The following PATJ variants were observed in gnomAD, a reference collection of about 807,000 sequenced individuals.
PATJ encodes the protein PATJ crumbs cell polarity complex component, also known as inaD-like protein.
Under a neutral mutation model 224.9 loss-of-function variants are expected in PATJ, and 190 were observed. The observed-to-expected ratio is 0.84, with a 90% CI of 0.75 to 0.95. The LOEUF is 0.95. Ranked by LOEUF, PATJ falls within the 40% of genes least tolerant of loss-of-function variation. The pLI, the probability that PATJ is intolerant of heterozygous loss-of-function variation, is 0.00. For synonymous variants in PATJ, 769 were observed against 820.3 expected, an observed-to-expected ratio of 0.94 and a Z score of 1.07; for missense variants, 2,121 against 2,270.3, an observed-to-expected ratio of 0.93 and a Z score of 1.34.
At chr1:61,828,093 A>C (rs928071604) in intron 16 of PATJ, among the ~76,000 whole-genome samples, 2 of 152,106 alleles carry the variant, frequency 1.3e-5, no homozygotes, top group African/African-American at 4.8e-5. Flanking sequence ...AGTAGAAAAA[A>C]TTAGCCAGGC....
chr1:62,073,309 C>A (rs945099647), intron 31 of PATJ: 3 of 985,282 alleles, frequency 3.0e-6, no homozygotes, highest in Non-Finnish European at 1.2e-6. Flanking sequence ...TCTGTCCCAA[C>A]CCCCTAAACA....
intron 26 of PATJ, among the ~76,000 whole-genome samples, chr1:61,918,764 G>A (rs1438861437): frequency 6.6e-6 from 1 of 152,060 alleles, no homozygotes; most frequent in Non-Finnish European, 1.5e-5. Flanking sequence ...GAAGTTCCAA[G>A]ACCAGCCTGG....
chr1:62,128,197 C>A, intron 40 of PATJ, 103 bp downstream of exon 40: 1 of 1,372,348 alleles, frequency 7.3e-7, no homozygotes, highest in Non-Finnish European at 1.0e-6. Context: ...CAGTAGCCAT[C>A]AGAGACCCAG....
At chr1:62,088,458 C>G (rs1189421517) in intron 33 of PATJ, among the ~76,000 whole-genome samples, 1 of 152,166 alleles carries the variant, frequency 6.6e-6, no homozygotes, top group Non-Finnish European at 1.5e-5. Context: ...CCAAAGAAGT[C>G]TTCCCTGGGT....
chr1:61,842,344 G>A lies in PATJ; in HGVS notation c.2112+8559G>A, dbSNP rs10489969. 5.9e-4 allele frequency among the ~76,000 whole-genome samples: 90 copies of A among 152,278 alleles called. 1 individual carries two copies. Among genetic ancestry groups the A allele is most frequent in the Admixed American group, 5.7e-3 (87 of 15,292 alleles). On this transcript the variant is annotated intron_variant, in intron 17 of 43. Coordinates refer to ENST00000642238, the MANE Select transcript of PATJ (RefSeq NM_001350145.3). ...TGTTGAACTTTGCAGGGATTTCATC[G>A]CTCTGGAATACGAATGTGGCAAAAA...
At chr1:62,144,022 T>C (rs1667767100) in intron 41 of PATJ, among the ~76,000 whole-genome samples, 1 of 152,158 alleles carries the variant, frequency 6.6e-6, no homozygotes, top group South Asian at 2.1e-4. Context: ...AAAGAGTTCA[T>C]GGACAAGTTA....
chr1:62,139,283 C>A (rs1367505120), intron 41 of PATJ, among the ~76,000 whole-genome samples: 1 of 151,504 alleles, frequency 6.6e-6, no homozygotes, highest in Non-Finnish European at 1.5e-5. Context: ...CGCCTGTAGT[C>A]CCAGCTACTT....
At chr1:61,891,385 C>A (rs1669588156) in intron 22 of PATJ, among the ~76,000 whole-genome samples, 1 of 152,144 alleles carries the variant, frequency 6.6e-6, no homozygotes. Flanking sequence ...CCAAAACTTA[C>A]ATGTAAATTC....
At chr1:62,047,500 T>C (rs1476622873) in intron 30 of PATJ, among the ~76,000 whole-genome samples, 1 of 152,180 alleles carries the variant, frequency 6.6e-6, no homozygotes, top group African/African-American at 2.4e-5. Context: ...TCCACCCGTC[T>C]CAGCCTCCCA....
At chr1:61,774,263 TG>T (rs1646795327) in intron 6 of PATJ, among the ~76,000 whole-genome samples, 1 of 152,032 alleles carries the variant, frequency 6.6e-6, no homozygotes, top group South Asian at 2.1e-4. Context: ...CACTCTAACC[TG>T]GGTAACAGAG....
intron 33 of PATJ, among the ~76,000 whole-genome samples, chr1:62,102,859 C>CAAAAAAAA: frequency 2.1e-5 from 1 of 47,006 alleles, no homozygotes; most frequent in Non-Finnish European, 4.3e-5. Context: ...TACCCTGTCT[C>CAAAAAAAA]AAAAAAAAAA....
chr1:61,835,927 G>C (rs1003582165), intron 17 of PATJ, among the ~76,000 whole-genome samples: 1 of 152,074 alleles, frequency 6.6e-6, no homozygotes, highest in African/African-American at 2.4e-5. Context: ...TATTATTGTA[G>C]GAATCTATAT....
chr1:62,008,454 T>C (rs1646227762), intron 28 of PATJ, among the ~76,000 whole-genome samples: 1 of 152,218 alleles, frequency 6.6e-6, no homozygotes, highest in Admixed American at 6.5e-5. Flanking sequence ...ATATAATTTA[T>C]CATCCAAACT....
In PATJ at chr1:62,128,840, G is replaced by A. The variant is rs746037521; in HGVS notation, c.5167-1G>A. 8.1e-6 allele frequency: 13 copies of A among 1,599,696 alleles called. No homozygotes were observed. Among genetic ancestry groups the A allele is most frequent in the Non-Finnish European group, 1.1e-5 (13 of 1,167,234 alleles). ...ATTTTCTGTCATTTTTGTACTTCCA[G>A]GTTGGAGATCGGATTGTCAGCATTA... On this transcript the variant is annotated splice_acceptor_variant, in intron 40 of 43. Coordinates refer to ENST00000642238, the MANE Select transcript of PATJ (RefSeq NM_001350145.3). LOFTEE classifies it high-confidence loss of function.
At chr1:61,933,433 T>A (rs1676329069) in intron 27 of PATJ, among the ~76,000 whole-genome samples, 1 of 150,110 alleles carries the variant, frequency 6.7e-6, no homozygotes, top group African/African-American at 2.5e-5. Flanking sequence ...CCTAGCTACT[T>A]GGGAGGCTGA....
chr1:62,119,596 G>T (rs1487827821), intron 37 of PATJ, among the ~76,000 whole-genome samples: 1 of 152,078 alleles, frequency 6.6e-6, no homozygotes, highest in Non-Finnish European at 1.5e-5. Context: ...ATACTTGCGA[G>T]ATCTTTTCCT....
At chr1:61,829,219 T>G (rs556487841) in intron 16 of PATJ, among the ~76,000 whole-genome samples, 9 of 152,360 alleles carry the variant, frequency 5.9e-5, no homozygotes, top group African/African-American at 2.2e-4. Context: ...ATTTTCTATT[T>G]CATAGTGTTT....
intron 17 of PATJ, among the ~76,000 whole-genome samples, chr1:61,854,980 T>C (rs1394470052): frequency 6.6e-6 from 1 of 152,238 alleles, no homozygotes; most frequent in African/African-American, 2.4e-5. Context: ...GGGTACTATA[T>C]CATAATTTTA....
intron 17 of PATJ, among the ~76,000 whole-genome samples, chr1:61,852,887 A>T (rs1570903485): frequency 6.6e-6 from 1 of 152,198 alleles, no homozygotes; most frequent in East Asian, 1.9e-4. Context: ...ACTGTTACTC[A>T]TTAAAGCGAT....
Sources: allele counts gnomAD v4.1 joint callset (sites outside exome capture counted in the v4.1 genomes callset), GRCh38; gene constraint gnomAD v4.1.1; transcripts MANE v1.5; gene names NCBI Gene and HGNC (gene_info 2026-07-23, HGNC 2026-07-21).